DLGAP4: variants seen among roughly 807,000 people sequenced by gnomAD.
The protein encoded by DLGAP4 is disks large-associated protein 4.
DLGAP4 carries 18 observed loss-of-function variants against 86.9 expected under a neutral mutation model. The observed-to-expected ratio is 0.21, with a 90% CI of 0.14 to 0.31. DLGAP4 has a LOEUF of 0.31. DLGAP4 is among the 10% of genes least tolerant of loss of function. The probability of loss-of-function intolerance (pLI) is 1.00; values close to 1 mark genes in which losing one functional copy is unlikely to be tolerated. For missense variants in DLGAP4, 1,085 were observed against 1,362.6 expected (o/e 0.80, Z 3.21); for synonymous variants, 548 against 574.3 (o/e 0.95, Z 0.65).
intron 2 of DLGAP4, among the ~76,000 whole-genome samples, chr20:36,397,860 G>A (rs2032045484): frequency 1.3e-5 from 2 of 152,176 alleles, no homozygotes; most frequent in Admixed American, 6.5e-5. Flanking sequence ...GGTGGCTTAC[G>A]CCTGTAATCC....
intron 1 of DLGAP4, among the ~76,000 whole-genome samples, chr20:36,346,406 A>G: frequency 6.6e-6 from 1 of 152,242 alleles, no homozygotes; most frequent in East Asian, 1.9e-4. Context: ...CTAGGCCCAG[A>G]GAGGAACCAT....
intron 2 of DLGAP4, among the ~76,000 whole-genome samples, chr20:36,408,478 C>T (rs906118565): frequency 6.6e-5 from 10 of 152,150 alleles, no homozygotes; most frequent in Non-Finnish European, 1.3e-4. Context: ...CTGCTTGGCC[C>T]GTGTCCAAGC....
intron 2 of DLGAP4, among the ~76,000 whole-genome samples, chr20:36,398,537 T>C (rs2032064904): frequency 6.6e-6 from 1 of 152,014 alleles, no homozygotes; most frequent in Non-Finnish European, 1.5e-5. Context: ...TAGAGAAGAG[T>C]ACATCAGGTG....
chr20:36,372,446 A>G (rs2030979105), intron 2 of DLGAP4, among the ~76,000 whole-genome samples: 1 of 151,058 alleles, frequency 6.6e-6, no homozygotes, highest in Non-Finnish European at 1.5e-5. Flanking sequence ...CTCCCTCCCC[A>G]TCACCTCCCT....
At chr20:36,376,796 C>T (rs1342068106) in intron 2 of DLGAP4, among the ~76,000 whole-genome samples, 1 of 152,266 alleles carries the variant, frequency 6.6e-6, no homozygotes, top group African/African-American at 2.4e-5. Flanking sequence ...CGTCTCTTCC[C>T]CTTGTGGAGC....
intron 2 of DLGAP4, among the ~76,000 whole-genome samples, chr20:36,407,818 T>A (rs2032369386): frequency 6.6e-6 from 1 of 151,992 alleles, no homozygotes; most frequent in Non-Finnish European, 1.5e-5. Flanking sequence ...TGGCGTGGGC[T>A]GGAGATGCTA....
chr20:36,452,594 C>G (rs1430067308), intron 7 of DLGAP4, among the ~76,000 whole-genome samples: 1 of 151,572 alleles, frequency 6.6e-6, no homozygotes, highest in African/African-American at 2.4e-5. Flanking sequence ...ACTGCAATCT[C>G]CACTTCCTGA....
At chr20:36,383,718 G>A (rs879831626) in intron 2 of DLGAP4, among the ~76,000 whole-genome samples, 4 of 152,110 alleles carry the variant, frequency 2.6e-5, no homozygotes, top group Non-Finnish European at 5.9e-5. Flanking sequence ...GCTCACGCCT[G>A]TAATCCCAGC....
chr20:36,376,895 G>A (rs2031177253), intron 2 of DLGAP4, among the ~76,000 whole-genome samples: 1 of 152,204 alleles, frequency 6.6e-6, no homozygotes, highest in Non-Finnish European at 1.5e-5. Context: ...TCAAGGGCAG[G>A]TTCTCCACGG....
At chr20:36,411,188 C>T (rs1413827745) in intron 2 of DLGAP4, among the ~76,000 whole-genome samples, 1 of 152,324 alleles carries the variant, frequency 6.6e-6, no homozygotes, top group African/African-American at 2.4e-5. Flanking sequence ...TGGGGTTTCA[C>T]TATGTTGGCC....
chr20:36,527,022 C>G lies in DLGAP4; in HGVS notation c.2970C>G (p.Thr990=). 6.2e-7 allele frequency: 1 copy of G among 1,603,200 alleles called. No homozygotes were observed. Among genetic ancestry groups the G allele is most frequent in the East Asian group, 2.2e-5 (1 of 44,658 alleles). ...AGATTTATGTCCCGGAGGCCCAGAC[C>G]AGGCTCTGAGACCATGCAGGAGGAA... The part of the protein sequence containing the change: ...SIEIYVPEAQ[T]RL Residue 990 remains threonine, a synonymous_variant, in exon 13 of 13, where the codon ACC becomes ACG. Coordinates refer to ENST00000339266, the MANE Select transcript of DLGAP4 (RefSeq NM_001365621.2).
chr20:36,321,165 G>A (rs1046610639), intron 1 of DLGAP4, among the ~76,000 whole-genome samples: 9 of 152,204 alleles, frequency 5.9e-5, no homozygotes, highest in Non-Finnish European at 8.8e-5. Flanking sequence ...AAGGCTTCTC[G>A]GAGGAGGGAG....
chr20:36,446,641 T>TC (rs1199667417), intron 6 of DLGAP4, 56 bp from the exon 7 acceptor site: 40 of 1,525,862 alleles, frequency 2.6e-5, no homozygotes, highest in Middle Eastern at 2.1e-4. Context: ...CAAGAACCGC[T>TC]CCCCCCAGGA....
intron 1 of DLGAP4, among the ~76,000 whole-genome samples, chr20:36,342,348 T>A (rs782726825): frequency 7.2e-5 from 11 of 151,800 alleles, no homozygotes; most frequent in Non-Finnish European, 1.0e-4. Context: ...CTGAATGGAG[T>A]TGGGGGCTGG....
intron 2 of DLGAP4, among the ~76,000 whole-genome samples, chr20:36,396,376 CCCACAT>C (rs2031965297): frequency 8.9e-6 from 1 of 111,900 alleles, no homozygotes; most frequent in Non-Finnish European, 1.9e-5. Context: ...ATACACACAC[CCCACAT>C]ACACACATGC....
intron 7 of DLGAP4, among the ~76,000 whole-genome samples, chr20:36,466,221 A>G (rs994590846): frequency 1.3e-5 from 2 of 152,158 alleles, no homozygotes; most frequent in Non-Finnish European, 2.9e-5. Flanking sequence ...CCTGGTTTGC[A>G]TGACAGCCTA....
intron 5 of DLGAP4, among the ~76,000 whole-genome samples, chr20:36,442,104 A>T (rs1432532349): frequency 6.6e-6 from 1 of 152,146 alleles, no homozygotes; most frequent in Admixed American, 6.5e-5. Context: ...CTCCATCCCT[A>T]ATCTGTATCT....
chr20:36,423,231 G>A (rs1027027497), intron 2 of DLGAP4, among the ~76,000 whole-genome samples: 2 of 152,066 alleles, frequency 1.3e-5, no homozygotes, highest in Non-Finnish European at 2.9e-5. Flanking sequence ...GGAGGCTGAG[G>A]CGGGCGGATC....
At chr20:36,493,483 G>A (rs80119886) in intron 7 of DLGAP4, among the ~76,000 whole-genome samples, 2,104 of 152,324 alleles carry the variant, frequency 0.014, 23 homozygotes, top group Non-Finnish European at 0.024. Context: ...ACAGAGGAGA[G>A]TTCTGAGAAG....
Sources: gnomAD v4.1 joint callset for allele counts (sites outside exome capture counted in the v4.1 genomes callset) on GRCh38, gnomAD v4.1.1 for gene constraint, MANE v1.5 for transcripts, NCBI Gene and HGNC (gene_info 2026-07-23, HGNC 2026-07-21) for gene names.